Variants in CHM observed in about 807,000 individuals in gnomAD.
The protein encoded by CHM is CHM Rab escort protein.
A neutral mutation model predicts 49.0 loss-of-function variants in CHM; 10 were observed. That is an observed-to-expected ratio of 0.20 (90% CI 0.13 to 0.35). The LOEUF is 0.35. CHM is among the 10% of genes least tolerant of loss of function. The pLI, the probability that CHM is intolerant of heterozygous loss-of-function variation, is 1.00. For synonymous variants in CHM, 184 were observed against 167.5 expected (o/e 1.10, Z -0.76); for missense variants, 455 against 478.4 (o/e 0.95, Z 0.46).
intron 8 of CHM, among the ~76,000 whole-genome samples, chrX:85,934,842 T>C (rs1383936000): frequency 1.8e-5 from 2 of 111,325 alleles, no homozygotes; most frequent in Non-Finnish European, 3.8e-5. Context: ...GAAGGTAATA[T>C]ACCTTCTTGT....
chrX:85,939,936 C>T (rs1302761047), intron 8 of CHM, among the ~76,000 whole-genome samples: 1 of 111,683 alleles, frequency 9.0e-6, no homozygotes, highest in African/African-American at 3.3e-5. Flanking sequence ...AAATTTTATT[C>T]CTCCTGCCTC....
rs752299622 is a variant in CHM at position 85,978,748 on chromosome X, C to A, written c.314+19G>T. The A allele has an allele frequency of 1.7e-6, 2 of 1,188,781 alleles. No homozygotes were observed. Among genetic ancestry groups the A allele is most frequent in the Admixed American group, 4.4e-5 (2 of 45,534 alleles). On this transcript the variant is annotated intron_variant, in intron 4 of 14. Coordinates refer to ENST00000357749, the MANE Select transcript of CHM (RefSeq NM_000390.4). ...AAAAGTCATTAATTTAGTTTACCTG[C>A]AGTAAATACTTTTCATACCTGGCAT...
intron 12 of CHM, among the ~76,000 whole-genome samples, chrX:85,886,536 T>A (rs1022596284): frequency 1.8e-5 from 2 of 111,638 alleles, no homozygotes; most frequent in Non-Finnish European, 3.8e-5. Context: ...CAGGTTTGGA[T>A]ACATAAAATA....
intron 1 of CHM, among the ~76,000 whole-genome samples, chrX:86,043,276 C>T (rs1317306271): frequency 8.9e-6 from 1 of 111,799 alleles, no homozygotes; most frequent in Non-Finnish European, 1.9e-5. Context: ...ATACACCATG[C>T]TGCCACATCT....
At chrX:85,904,545 T>C (rs1331147597) in intron 9 of CHM, among the ~76,000 whole-genome samples, 1 of 112,017 alleles carries the variant, frequency 8.9e-6, no homozygotes, top group Non-Finnish European at 1.9e-5. Context: ...CAACTAATTT[T>C]ATGATAAAGA....
At chrX:85,878,746 G>C (rs1256693090) in intron 13 of CHM, among the ~76,000 whole-genome samples, 1 of 110,289 alleles carries the variant, frequency 9.1e-6, no homozygotes, top group Non-Finnish European at 1.9e-5. Flanking sequence ...ATGTTTTTTT[G>C]GTGTGTGTAT....
At chrX:85,930,314 G>A (rs1213369832) in intron 8 of CHM, among the ~76,000 whole-genome samples, 2 of 110,784 alleles carry the variant, frequency 1.8e-5, no homozygotes, top group African/African-American at 3.3e-5. Flanking sequence ...CCAAGAGTAC[G>A]TACTTGCAAG....
intron 2 of CHM, among the ~76,000 whole-genome samples, chrX:86,020,288 G>T (rs1429224344): frequency 3.6e-5 from 4 of 110,928 alleles, no homozygotes; most frequent in African/African-American, 1.3e-4. Flanking sequence ...AATTAGTCAC[G>T]CCTTTAATCT....
At chrX:85,930,861 G>A (rs1265161028) in intron 8 of CHM, among the ~76,000 whole-genome samples, 1 of 111,948 alleles carries the variant, frequency 8.9e-6, no homozygotes, top group East Asian at 2.8e-4. Context: ...AATAAATCAT[G>A]TAAATATTAA....
At chrX:85,931,733 C>T (rs1026338574) in intron 8 of CHM, among the ~76,000 whole-genome samples, 1 of 111,897 alleles carries the variant, frequency 8.9e-6, no homozygotes, top group Non-Finnish European at 1.9e-5. Context: ...AGCCTCTCAT[C>T]TATGCCAAAG....
chrX:86,044,137 G>A (rs747741774), intron 1 of CHM, among the ~76,000 whole-genome samples: 11 of 111,845 alleles, frequency 9.8e-5, no homozygotes, highest in Non-Finnish European at 1.9e-4. Context: ...AGGCCAGAAC[G>A]TTCCTGAGAA....
chrX:86,004,576 T>C (rs5923422), intron 2 of CHM, among the ~76,000 whole-genome samples: 50,316 of 109,882 alleles, frequency 0.46, 9,675 homozygotes, highest in Non-Finnish European at 0.6. Context: ...ATCTACCAAG[T>C]AAATGGAAAG....
chrX:86,007,304 A>T (rs894331636), intron 2 of CHM, among the ~76,000 whole-genome samples: 1 of 112,102 alleles, frequency 8.9e-6, no homozygotes, highest in Admixed American at 9.5e-5. Flanking sequence ...AACCATAAAA[A>T]CCCTAAAAGA....
At chrX:85,941,483 T>A (rs1440707341) in intron 8 of CHM, among the ~76,000 whole-genome samples, 1 of 111,984 alleles carries the variant, frequency 8.9e-6, no homozygotes, top group East Asian at 2.8e-4. Flanking sequence ...CATTAATCCA[T>A]CAAATACTTA....
In CHM at chrX:85,934,778, T is replaced by C. The variant is rs148036233; in HGVS notation, c.1166+21375A>G. ...TGTGTCTTTATAGCAGCATGATTTA[T>C]AATCCTTTGGGTATATACCCAGTAA... On this transcript the variant is annotated intron_variant, in intron 8 of 14. Transcript: ENST00000357749. Among the ~76,000 whole-genome samples, 376 of 111,041 alleles carry C rather than the reference T, an allele frequency of 3.4e-3. 1 individual carries two copies. The highest frequency in any genetic ancestry group is 0.012 in the African/African-American group (367 of 30,553).
At chrX:85,934,062 C>G (rs868275457) in intron 8 of CHM, among the ~76,000 whole-genome samples, 49 of 108,199 alleles carry the variant, frequency 4.5e-4, no homozygotes, top group East Asian at 2.1e-3. Flanking sequence ...CTCACTGCAA[C>G]CTCCGCCTCC....
At chrX:86,019,591 A>G (rs191310105) in intron 2 of CHM, 1 of 112,069 alleles carries the variant, frequency 8.9e-6, no homozygotes, top group African/African-American at 3.2e-5. Flanking sequence ...AATATTAACA[A>G]TGAAAAAATG....
intron 3 of CHM, 75 bp downstream of exon 3, chrX:85,981,662 G>A: frequency 1.4e-6 from 1 of 709,843 alleles, no homozygotes; most frequent in South Asian, 2.5e-5. Flanking sequence ...GAAGCTTAGG[G>A]TTTTCTTCAG....
At chrX:85,878,405 G>A (rs1402608591) in intron 13 of CHM, among the ~76,000 whole-genome samples, 1 of 109,377 alleles carries the variant, frequency 9.1e-6, no homozygotes, top group East Asian at 2.9e-4. Context: ...GCTTGAACGT[G>A]GGAGGTGGAG....
Sources: allele counts gnomAD v4.1 joint callset (sites outside exome capture counted in the v4.1 genomes callset), GRCh38; gene constraint gnomAD v4.1.1; transcripts MANE v1.5; gene names NCBI Gene and HGNC (gene_info 2026-07-23, HGNC 2026-07-21).